The following TDRKH variants were observed in gnomAD, a reference collection of about 807,000 sequenced individuals.
TDRKH encodes tudor and KH domain containing, also known as tudor and KH domain-containing protein.
A neutral mutation model predicts 61.3 loss-of-function variants in TDRKH; 28 were observed. The ratio of observed to expected loss-of-function variants is 0.46; its 90% CI spans 0.34 to 0.63. The LOEUF (loss-of-function observed/expected upper bound fraction) is 0.63. Ranked by LOEUF, TDRKH falls within the 20% of genes least tolerant of loss-of-function variation. The pLI is 0.01. For synonymous variants in TDRKH, 219 were observed against 244.4 expected (o/e 0.90, Z 0.97); for missense variants, 540 against 683.4 (o/e 0.79, Z 2.34).
chr1:151,775,124 T>C lies in TDRKH; in HGVS notation c.1477A>G (p.Ile493Val), dbSNP rs867538857. ...TCTTCTATGTCTTCAGGAAGCTCAA[T>C]TGCGTATCCTTTGTGTACTAATTCT... ...GLELVHKGYA[I>V]ELPEDIEENR... Residue 493 changes from isoleucine (I) to valine (V), a missense_variant, in exon 11 of 13, where the codon ATT becomes GTT. Physicochemically the swap from Ile to Val is conservative, Grantham distance 29 (BLOSUM62 3). Around this residue, in one of 3 missense-constraint regions of TDRKH, gnomAD observed 379 missense variants for 443.8 expected, o/e 0.85. Transcript: ENST00000368824. 30 of 1,614,158 alleles carry C rather than the reference T, an allele frequency of 1.9e-5. 1 individual carries two copies. Among genetic ancestry groups the C allele is most frequent in the South Asian group, 4.4e-5 (4 of 91,084 alleles).
In TDRKH at chr1:151,781,328, A is replaced by AATATATATATATATATAT. The variant is rs60652277; in HGVS notation, c.231+152_231+153insATATATATATATATATAT. Among the ~76,000 whole-genome samples the AATATATATATATATATAT allele has an allele frequency of 1.6e-3, 112 of 68,556 alleles. 3 individuals are homozygous for AATATATATATATATATAT. Among genetic ancestry groups the AATATATATATATATATAT allele is most frequent in the Admixed American group, 4.2e-3 (30 of 7,200 alleles). 45.0% of individuals were successfully genotyped at this position (68,556 alleles called of 152,430 possible). ...GCGAAACTCCATCTCAAAAAAAAAA[A>AATATATATATATATATAT]ATATATATATATATATTTTATATAT... On this transcript the variant is annotated intron_variant, in intron 3 of 12. Coordinates refer to ENST00000368824, the MANE Select transcript of TDRKH (RefSeq NM_001083965.2).
chr1:151,768,185 T>G (rs748899532), downstream of TDRKH: 2 of 1,613,918 alleles, frequency 1.2e-6, no homozygotes, highest in Non-Finnish European at 1.7e-6. Context: ...GACCGTCGAC[T>G]CTTCCTGGAT....
At chr1:151,772,124 C>T, downstream of TDRKH, 1 of 391,826 alleles carries the variant, frequency 2.6e-6, no homozygotes. Context: ...GAGACAGCAT[C>T]TTGCTGTGTC....
intron 1 of TDRKH, among the ~76,000 whole-genome samples, chr1:151,788,328 G>A (rs1435433721): frequency 2.6e-5 from 4 of 152,208 alleles, no homozygotes; most frequent in Admixed American, 6.5e-5. Context: ...TCTGATGTGT[G>A]CTTGACCCTC....
chr1:151,772,923 G>C (rs1648810033), downstream of TDRKH, among the ~76,000 whole-genome samples: 3 of 152,274 alleles, frequency 2.0e-5, no homozygotes, highest in South Asian at 6.2e-4. Flanking sequence ...TTGTGTGGTG[G>C]TGCAATCTGG....
intron 2 of TDRKH, 74 bp downstream of exon 2, chr1:151,782,825 A>G (rs1029497347): frequency 7.5e-5 from 110 of 1,473,290 alleles, no homozygotes; most frequent in Middle Eastern, 5.4e-4. Context: ...TGGCAAGGAA[A>G]GAGTTTTTTT....
chr1:151,771,258 G>T, downstream of TDRKH: 2 of 1,602,956 alleles, frequency 1.2e-6, no homozygotes, highest in South Asian at 1.1e-5. Flanking sequence ...TGGAAGCCTT[G>T]ACACATGGAA....
chr1:151,783,190 T>G, intron 1 of TDRKH, 141 bp from the exon 2 acceptor site: 1 of 637,230 alleles, frequency 1.6e-6, no homozygotes. Context: ...ATTTCAAAAT[T>G]TATTTCATAT....
At chr1:151,782,275 C>A (rs983973477) in intron 2 of TDRKH, among the ~76,000 whole-genome samples, 3 of 151,526 alleles carry the variant, frequency 2.0e-5, no homozygotes, top group African/African-American at 7.3e-5. Flanking sequence ...GGTGAAACCC[C>A]GTCTCTACTA....
At chr1:151,779,842 C>T in intron 4 of TDRKH, 109 bp downstream of exon 4, 3 of 1,178,730 alleles carry the variant, frequency 2.5e-6, no homozygotes, top group East Asian at 2.4e-5. Flanking sequence ...CCCTTTTTTT[C>T]CCCTCACATG....
At chr1:151,770,216 A>G (rs755885028), downstream of TDRKH, 19 of 1,613,580 alleles carry the variant, frequency 1.2e-5, no homozygotes, top group African/African-American at 2.0e-4. Context: ...ACAAATGTGG[A>G]CTCTGTGTTT....
chr1:151,774,540 C>T (rs903126456), intron 12 of TDRKH, 36 bp from the exon 13 acceptor site: 3 of 1,611,896 alleles, frequency 1.9e-6, no homozygotes, highest in Non-Finnish European at 2.5e-6. Context: ...AAGTTAGACA[C>T]TGCCCTATTC....
chr1:151,772,391 C>T (rs1020116311), downstream of TDRKH, among the ~76,000 whole-genome samples: 1 of 152,034 alleles, frequency 6.6e-6, no homozygotes. Flanking sequence ...CGGTGCCTGG[C>T]TAATACTGAG....
At chr1:151,784,025 T>C (rs1267379655) in intron 1 of TDRKH, among the ~76,000 whole-genome samples, 1 of 152,218 alleles carries the variant, frequency 6.6e-6, no homozygotes, top group East Asian at 1.9e-4. Flanking sequence ...AGCCTCCCTC[T>C]CCACTCAAAC....
downstream of TDRKH, chr1:151,771,528 C>G: frequency 7.7e-6 from 3 of 389,634 alleles, no homozygotes; most frequent in Admixed American, 4.7e-5. Flanking sequence ...TTACTGAGCA[C>G]TAATCAGTGA....
At chr1:151,781,400 T>C in intron 3 of TDRKH, 81 bp downstream of exon 3, 3 of 1,080,936 alleles carry the variant, frequency 2.8e-6, no homozygotes, top group Non-Finnish European at 4.2e-6. Flanking sequence ...TGTTTTGTGA[T>C]ATGGGGTCAG....
Position 151,776,177 on chromosome 1 carries a change from A to T in TDRKH, c.1136T>A (p.Leu379Ter), listed in dbSNP as rs1477253477. The T allele has an allele frequency of 1.2e-6, 2 of 1,614,052 alleles. No individual in the cohort carries two copies. Among genetic ancestry groups the T allele is most frequent in the African/African-American group, 1.3e-5 (1 of 74,906 alleles). Residue 379 changes from leucine to a stop codon, truncating the protein, a stop_gained, in exon 8 of 13, where the codon TTG (leucine) becomes TAG (stop). Coordinates refer to ENST00000368824, the MANE Select transcript of TDRKH (RefSeq NM_001083965.2). LOFTEE classifies it high-confidence loss of function. ...ATAGAGGTCCAAGTTCCCATTCTCCAAGGTGCCGAGGACCCGGGCTCGATA... is the reference window on the plus strand; with the variant it reads ...ATAGAGGTCCAAGTTCCCATTCTCCTAGGTGCCGAGGACCCGGGCTCGATA... ...SWYRARVLGTLENGNLDLYFV... is the reference protein window; with the variant it reads ...SWYRARVLGT
In TDRKH at chr1:151,775,412, A is replaced by G. The variant is rs779971983; in HGVS notation, c.1414T>C (p.Tyr472His). The change falls in exon 10 of 13, where the codon TAT (tyrosine) becomes CAT (histidine). Residue 472 changes from tyrosine to histidine, a missense_variant. Transcript: ENST00000368824. ...CTTACCTTCCCATTGCTAGTATCAT[A>G]TAAGTAGATCTTTGGCCAAGTTGAG... ...GISTWPKIYL[Y>H]DTSNGKKLDI... is the part of the protein sequence containing the mutation. 127 of 1,613,516 alleles carry G rather than the reference A, an allele frequency of 7.9e-5. No individual in the cohort carries two copies. Among genetic ancestry groups the G allele is most frequent in the Non-Finnish European group, 1.0e-4 (118 of 1,179,832 alleles).
In TDRKH at chr1:151,779,145, A is replaced by G. The variant is rs1415546014; in HGVS notation, c.519T>C (p.Leu173=). The G allele has an allele frequency of 6.2e-7, 1 of 1,614,004 alleles. No homozygotes were observed. Among genetic ancestry groups the G allele is most frequent in the East Asian group, 2.2e-5 (1 of 44,892 alleles). Residue 173 remains leucine (L), a synonymous_variant, in exon 5 of 13, where the codon CTT becomes CTC. Coordinates refer to ENST00000368824, the MANE Select transcript of TDRKH (RefSeq NM_001083965.2). Reference sequence around the variant, plus strand: ...CCTTCTGTGTTCCTGAGATTTTTATAAGTCTTGATAGTAGTAATGTCCCTT... The same window carrying G: ...CCTTCTGTGTTCCTGAGATTTTTATGAGTCTTGATAGTAGTAATGTCCCTT... ...ESEGTLLLSR[L]IKISGTQKEV... is the part of the protein sequence containing the mutation.
Sources: gnomAD v4.1 joint callset for allele counts (sites outside exome capture counted in the v4.1 genomes callset) on GRCh38, gnomAD v4.1.1 for gene constraint, gnomAD v4.1.1 regional missense constraint, MANE v1.5 for transcripts, NCBI Gene and HGNC (gene_info 2026-07-23, HGNC 2026-07-21) for gene names.